Variants in MTA3 observed in about 807,000 individuals in gnomAD.
MTA3 encodes the protein metastasis-associated protein MTA3.
Under a neutral mutation model 83.5 loss-of-function variants are expected in MTA3, and 34 were observed. That is an observed-to-expected ratio of 0.41 (90% CI 0.31 to 0.54). The LOEUF (loss-of-function observed/expected upper bound fraction) is 0.54, where lower values mean the gene tolerates loss of function less well. Ranked by LOEUF, MTA3 falls within the 20% of genes least tolerant of loss-of-function variation. MTA3 has a pLI of 0.33. For missense variants in MTA3, 761 were observed against 726.4 expected (o/e 1.05, Z -0.55); for synonymous variants, 303 against 252.7 (o/e 1.20, Z -1.89).
chr2:42,669,509 G>C (rs1264498289), intron 8 of MTA3, among the ~76,000 whole-genome samples: 1 of 152,084 alleles, frequency 6.6e-6, no homozygotes, highest in East Asian at 1.9e-4. Context: ...ACTTATCACG[G>C]GTACTGTTCA....
intron 2 of MTA3, among the ~76,000 whole-genome samples, chr2:42,531,104 A>G (rs1325009327): frequency 6.6e-6 from 1 of 152,186 alleles, no homozygotes; most frequent in Non-Finnish European, 1.5e-5. Context: ...TGTTGGGATT[A>G]CATGTGTGAG....
At chr2:42,548,838 A>T (rs1676902017) in intron 2 of MTA3, among the ~76,000 whole-genome samples, 1 of 12,324 alleles carries the variant, frequency 8.1e-5, no homozygotes, top group South Asian at 2.5e-3. Flanking sequence ...TAATATATAT[A>T]TATATATAAT....
chr2:42,714,082 A>G (rs1320760609), intron 14 of MTA3, among the ~76,000 whole-genome samples: 1 of 152,182 alleles, frequency 6.6e-6, no homozygotes, highest in East Asian at 1.9e-4. Context: ...AGTGTTACCC[A>G]TCTTTGAAAC....
chr2:42,686,476 C>T (rs1307229150), intron 9 of MTA3, among the ~76,000 whole-genome samples: 2 of 151,820 alleles, frequency 1.3e-5, no homozygotes, highest in Non-Finnish European at 2.9e-5. Flanking sequence ...CACTTGAGCC[C>T]AGGAGTTTAA....
At chr2:42,648,442 CT>C (rs1688415583) in intron 6 of MTA3, among the ~76,000 whole-genome samples, 2 of 152,154 alleles carry the variant, frequency 1.3e-5, no homozygotes, top group East Asian at 3.8e-4. Flanking sequence ...GAATTAATAT[CT>C]TGGGTAGGTG....
intron 3 of MTA3, among the ~76,000 whole-genome samples, chr2:42,595,982 C>G (rs1255106119): frequency 2.0e-5 from 3 of 152,062 alleles, no homozygotes; most frequent in Non-Finnish European, 4.4e-5. Flanking sequence ...TTTTTGAAAT[C>G]TTAATACTTC....
At chr2:42,682,265 C>A (rs1222190369) in intron 8 of MTA3, 136 bp from the exon 9 acceptor site, 2 of 593,594 alleles carry the variant, frequency 3.4e-6, no homozygotes, top group Non-Finnish European at 5.4e-6. Context: ...ATTTAGTAAT[C>A]TGTTTAAAAT....
At chr2:42,738,799 A>C (rs1476366970) in intron 16 of MTA3, among the ~76,000 whole-genome samples, 1 of 152,208 alleles carries the variant, frequency 6.6e-6, no homozygotes, top group African/African-American at 2.4e-5. Flanking sequence ...CTGGCCCCCC[A>C]GGGCGTACCT....
chr2:42,505,800 G>A (rs1439145075), intron 2 of MTA3, among the ~76,000 whole-genome samples: 6 of 140,980 alleles, frequency 4.3e-5, no homozygotes, highest in East Asian at 2.0e-4. Flanking sequence ...ATGGAGTCTC[G>A]CTCTGTCACC....
intron 5 of MTA3, among the ~76,000 whole-genome samples, chr2:42,643,032 T>TC (rs1573443111): frequency 1.6e-5 from 1 of 62,482 alleles, no homozygotes; most frequent in East Asian, 3.8e-4. Flanking sequence ...CATATTGGTG[T>TC]CTCCCCCCCC....
intron 4 of MTA3, among the ~76,000 whole-genome samples, chr2:42,629,793 T>A (rs1278008423): frequency 6.6e-6 from 1 of 152,090 alleles, no homozygotes; most frequent in Non-Finnish European, 1.5e-5. Context: ...CAATTTTTTT[T>A]TTTGAGGTGT....
intron 6 of MTA3, among the ~76,000 whole-genome samples, chr2:42,647,155 T>TAAAAAAAAAAAAC (rs762680843): frequency 2.2e-5 from 2 of 92,072 alleles, no homozygotes; most frequent in South Asian, 4.6e-4. Flanking sequence ...AGACTCTGTC[T>TAAAAAAAAAAAAC]AAAAAAAAAA....
At chr2:42,634,194 A>G (rs1329596856) in intron 4 of MTA3, among the ~76,000 whole-genome samples, 2 of 152,184 alleles carry the variant, frequency 1.3e-5, no homozygotes, top group African/African-American at 2.4e-5. Context: ...CGAGGTTGAG[A>G]AAACCTGATA....
chr2:42,627,725 A>ATTGTTTT (rs1686250229), intron 4 of MTA3, among the ~76,000 whole-genome samples: 7 of 103,376 alleles, frequency 6.8e-5, no homozygotes, highest in African/African-American at 2.8e-4. Flanking sequence ...GCCTGGCTAA[A>ATTGTTTT]TTTTTTTTTT....
chr2:42,570,350 G>C (rs926868285), intron 1 of MTA3, 87 bp from the exon 2 acceptor site: 2 of 729,512 alleles, frequency 2.7e-6, no homozygotes, highest in East Asian at 2.8e-5. Context: ...AATTTCAAAC[G>C]TGAAATGCCT....
intron 2 of MTA3, among the ~76,000 whole-genome samples, chr2:42,534,224 T>A (rs889663735): frequency 2.0e-5 from 3 of 152,176 alleles, no homozygotes; most frequent in African/African-American, 7.2e-5. Flanking sequence ...ACAGCCTGCC[T>A]GGAACTGGCC....
chr2:42,650,336 C>G (rs1688592939), intron 6 of MTA3, among the ~76,000 whole-genome samples: 1 of 152,030 alleles, frequency 6.6e-6, no homozygotes, highest in African/African-American at 2.4e-5. Flanking sequence ...TAAATGTTAG[C>G]TAATATTTAC....
chr2:42,507,784 A>G (rs1674701964), intron 2 of MTA3, among the ~76,000 whole-genome samples: 1 of 151,790 alleles, frequency 6.6e-6, no homozygotes, highest in African/African-American at 2.4e-5. Flanking sequence ...TTAAAAAATT[A>G]GCCAAGCACG....
intron 4 of MTA3, among the ~76,000 whole-genome samples, chr2:42,622,405 G>A (rs1404436536): frequency 2.3e-5 from 3 of 131,858 alleles, no homozygotes; most frequent in Non-Finnish European, 4.8e-5. Flanking sequence ...GGGGAGAGGG[G>A]TAGGGGGAGG....
Sources: gnomAD v4.1 joint callset for allele counts (sites outside exome capture counted in the v4.1 genomes callset) on GRCh38, gnomAD v4.1.1 for gene constraint, MANE v1.5 for transcripts, NCBI Gene and HGNC (gene_info 2026-07-23, HGNC 2026-07-21) for gene names.